Variants in SPECC1 observed in about 807,000 individuals in gnomAD.
SPECC1 encodes the protein sperm antigen with calponin homology and coiled-coil domains 1, also known as cytospin-B.
SPECC1 carries 62 observed loss-of-function variants against 104.1 expected under a neutral mutation model. That is an observed-to-expected ratio of 0.60 (90% CI 0.49 to 0.74). The LOEUF (loss-of-function observed/expected upper bound fraction) is 0.74. Ranked by LOEUF, SPECC1 falls within the 30% of genes least tolerant of loss-of-function variation. The pLI is 0.00. For missense variants in SPECC1, 1,306 were observed against 1,310.5 expected (o/e 1.00, Z 0.05); for synonymous variants, 513 against 501.6 (o/e 1.02, Z -0.30).
intron 3 of SPECC1, among the ~76,000 whole-genome samples, chr17:20,204,104 G>A (rs2036607514): frequency 6.6e-6 from 1 of 152,170 alleles, no homozygotes; most frequent in African/African-American, 2.4e-5. Context: ...GGCTGGGGAT[G>A]GGGTCATCCT....
intron 1 of SPECC1, among the ~76,000 whole-genome samples, chr17:20,039,739 T>TAG (rs1314033635): frequency 6.6e-6 from 1 of 152,038 alleles, no homozygotes; most frequent in Non-Finnish European, 1.5e-5. Context: ...GTATTTTTAG[T>TAG]AGAGATGGGG....
chr17:20,114,056 T>G (rs2048629003), intron 3 of SPECC1, among the ~76,000 whole-genome samples: 1 of 152,196 alleles, frequency 6.6e-6, no homozygotes, highest in Admixed American at 6.5e-5. Flanking sequence ...AATGAGGAAT[T>G]TTAAACATAT....
chr17:20,253,453 C>A, intron 9 of SPECC1, 52 bp from the exon 10 acceptor site: 1 of 1,569,824 alleles, frequency 6.4e-7, no homozygotes. Flanking sequence ...TGTGTTTGTG[C>A]TATTCTTGAT....
chr17:20,120,631 G>A (rs1411906897), intron 3 of SPECC1, among the ~76,000 whole-genome samples: 2 of 152,136 alleles, frequency 1.3e-5, no homozygotes, highest in Non-Finnish European at 2.9e-5. Context: ...GCAAGACTTA[G>A]TTTTTGTACT....
chr17:20,297,888 C>T (rs2041406720), intron 13 of SPECC1, among the ~76,000 whole-genome samples: 1 of 152,236 alleles, frequency 6.6e-6, no homozygotes, highest in South Asian at 2.1e-4. Flanking sequence ...TAGAGACGTT[C>T]TATGCCCTCA....
At chr17:20,270,646 GATGATGAAT>G (rs2151631994) in intron 12 of SPECC1, among the ~76,000 whole-genome samples, 1 of 151,502 alleles carries the variant, frequency 6.6e-6, no homozygotes, top group Non-Finnish European at 1.5e-5. Flanking sequence ...AGTGTGCCAT[GATGATGAAT>G]ATCACTTACC....
At chr17:20,156,161 G>T (rs981475893) in intron 3 of SPECC1, 1 of 1,436,792 alleles carries the variant, frequency 7.0e-7, no homozygotes, top group Non-Finnish European at 9.1e-7. Context: ...CCCGGTCCGA[G>T]GCCGGCAAGC....
chr17:20,192,413 C>G (rs2035736051), intron 3 of SPECC1, among the ~76,000 whole-genome samples: 1 of 152,052 alleles, frequency 6.6e-6, no homozygotes, highest in Admixed American at 6.5e-5. Context: ...ATTTTTTTCC[C>G]CAATTTTGTT....
intron 3 of SPECC1, among the ~76,000 whole-genome samples, chr17:20,134,597 A>G (rs2049828346): frequency 6.6e-6 from 1 of 152,154 alleles, no homozygotes; most frequent in South Asian, 2.1e-4. Flanking sequence ...TGAGAAAGGT[A>G]CTTCTTATTG....
At chr17:20,169,850 T>C (rs1252026545) in intron 3 of SPECC1, among the ~76,000 whole-genome samples, 1 of 152,224 alleles carries the variant, frequency 6.6e-6, no homozygotes, top group Non-Finnish European at 1.5e-5. Context: ...ATTTTACCTC[T>C]TGAATGTGTT....
chr17:20,083,372 A>G (rs2047056403), intron 1 of SPECC1, among the ~76,000 whole-genome samples: 1 of 152,236 alleles, frequency 6.6e-6, no homozygotes, highest in Admixed American at 6.5e-5. Context: ...ATTTAGAGCA[A>G]CACCAAATCA....
intron 2 of SPECC1, among the ~76,000 whole-genome samples, chr17:20,108,515 A>G (rs1406224139): frequency 1.3e-5 from 2 of 152,214 alleles, no homozygotes; most frequent in Non-Finnish European, 2.9e-5. Context: ...GGTAACCACT[A>G]TTCTGACTTA....
chr17:20,198,501 G>A (rs2036189610), intron 3 of SPECC1, among the ~76,000 whole-genome samples: 2 of 152,188 alleles, frequency 1.3e-5, no homozygotes, highest in Non-Finnish European at 2.9e-5. Context: ...AGTTCCCCAT[G>A]TCCCATAGTC....
intron 1 of SPECC1, among the ~76,000 whole-genome samples, chr17:20,080,557 C>T (rs1390720382): frequency 1.3e-5 from 2 of 151,896 alleles, no homozygotes; most frequent in Non-Finnish European, 2.9e-5. Flanking sequence ...CAACAAGCGG[C>T]CTACCTTGCT....
At chr17:20,311,883 G>A (rs2041943213) in intron 14 of SPECC1, among the ~76,000 whole-genome samples, 1 of 152,166 alleles carries the variant, frequency 6.6e-6, no homozygotes, top group African/African-American at 2.4e-5. Flanking sequence ...GGAATTTTGT[G>A]TAATGCTTTT....
chr17:20,035,689 A>G (rs536474708), intron 1 of SPECC1, among the ~76,000 whole-genome samples: 1 of 152,180 alleles, frequency 6.6e-6, no homozygotes, highest in South Asian at 2.1e-4. Flanking sequence ...AGGCACAATC[A>G]TTGTGCATTA....
intron 12 of SPECC1, among the ~76,000 whole-genome samples, chr17:20,281,624 G>A (rs1299634813): frequency 6.6e-6 from 1 of 152,210 alleles, no homozygotes; most frequent in Non-Finnish European, 1.5e-5. Flanking sequence ...GCTGGACACA[G>A]GTAAACACTC....
chr17:20,143,244 A>G (rs2031049467), intron 3 of SPECC1, among the ~76,000 whole-genome samples: 1 of 148,736 alleles, frequency 6.7e-6, no homozygotes, highest in Admixed American at 6.7e-5. Flanking sequence ...ACTTTAGCCA[A>G]CCGTGGTGGT....
chr17:20,052,420 A>G (rs189891251), intron 1 of SPECC1, among the ~76,000 whole-genome samples: 42 of 152,332 alleles, frequency 2.8e-4, no homozygotes, highest in African/African-American at 9.4e-4. Flanking sequence ...GTCATACATC[A>G]AAGAATCTAG....
Sources: allele counts gnomAD v4.1 joint callset (sites outside exome capture counted in the v4.1 genomes callset), GRCh38; gene constraint gnomAD v4.1.1; transcripts MANE v1.5; gene names NCBI Gene and HGNC (gene_info 2026-07-23, HGNC 2026-07-21).